The following USP32 variants were observed in gnomAD, a reference collection of about 807,000 sequenced individuals.
USP32 encodes ubiquitin specific peptidase 32.
USP32 carries 59 observed loss-of-function variants against 204.8 expected under a neutral mutation model. The ratio of observed to expected loss-of-function variants is 0.29; its 90% CI spans 0.23 to 0.36. The LOEUF is 0.36. Ranked by LOEUF, USP32 falls within the 10% of genes least tolerant of loss-of-function variation. The probability of loss-of-function intolerance (pLI) is 1.00; values close to 1 mark genes in which losing one functional copy is unlikely to be tolerated. For missense variants in USP32, 1,160 were observed against 1,946.4 expected (o/e 0.60, Z 7.60); for synonymous variants, 517 against 678.4 (o/e 0.76, Z 3.70).
chr17:60,317,759 T>C (rs1256837529), intron 2 of USP32, among the ~76,000 whole-genome samples: 1 of 151,996 alleles, frequency 6.6e-6, no homozygotes. Context: ...GAGGTACCAC[T>C]GCATTCCAGC....
intron 1 of USP32, among the ~76,000 whole-genome samples, chr17:60,384,283 G>C (rs1390907932): frequency 2.0e-5 from 3 of 152,172 alleles, no homozygotes; most frequent in African/African-American, 7.2e-5. Context: ...GGCAACCATA[G>C]CAAATGTTAA....
intron 2 of USP32, among the ~76,000 whole-genome samples, chr17:60,303,560 A>G (rs2087642205): frequency 6.6e-6 from 1 of 152,130 alleles, no homozygotes; most frequent in Non-Finnish European, 1.5e-5. Context: ...CTAGAATGGA[A>G]ATTGAAGTCT....
intron 30 of USP32, among the ~76,000 whole-genome samples, chr17:60,184,943 T>A (rs1273003814): frequency 1.3e-5 from 2 of 152,130 alleles, no homozygotes; most frequent in African/African-American, 4.8e-5. Context: ...AGTCTCCTAA[T>A]CCATGAAGGG....
chr17:60,375,045 A>G (rs576316389), intron 1 of USP32, among the ~76,000 whole-genome samples: 2 of 152,372 alleles, frequency 1.3e-5, no homozygotes, highest in South Asian at 2.1e-4. Context: ...ATCATTAGTG[A>G]AATTTTCTCC....
chr17:60,306,644 A>G (rs192167302), intron 2 of USP32, among the ~76,000 whole-genome samples: 188 of 151,782 alleles, frequency 1.2e-3, no homozygotes, highest in African/African-American at 4.4e-3. Context: ...TCTCGAAAGA[A>G]AAAAAAAATG....
At chr17:60,283,439 T>TA (rs1180194788) in intron 5 of USP32, among the ~76,000 whole-genome samples, 2 of 152,180 alleles carry the variant, frequency 1.3e-5, no homozygotes, top group African/African-American at 2.4e-5. Context: ...AAAATACATT[T>TA]AAAAAATTGT....
At chr17:60,379,673 T>C (rs2089613121) in intron 1 of USP32, among the ~76,000 whole-genome samples, 1 of 152,358 alleles carries the variant, frequency 6.6e-6, no homozygotes, top group African/African-American at 2.4e-5. Flanking sequence ...AATTATAAAC[T>C]TCAGTCACAT....
intron 1 of USP32, among the ~76,000 whole-genome samples, chr17:60,409,076 A>G (rs1244775700): frequency 6.6e-6 from 1 of 152,178 alleles, no homozygotes; most frequent in Non-Finnish European, 1.5e-5. Flanking sequence ...AGCCGGGCAC[A>G]GTGGCTCATG....
intron 1 of USP32, among the ~76,000 whole-genome samples, chr17:60,348,901 T>C (rs751581909): frequency 6.6e-6 from 1 of 152,190 alleles, no homozygotes; most frequent in Non-Finnish European, 1.5e-5. Flanking sequence ...ACTAGTTGAA[T>C]AAGTAGCTAG....
rs530050558 is a variant in USP32 at position 60,271,232 on chromosome 17, A to C, written c.703+118T>G. The C allele has an allele frequency of 4.0e-5, 53 of 1,331,150 alleles. No individual in the cohort carries two copies. In the East Asian group the frequency reaches 1.1e-3, roughly 28 times the overall value. 82.5% of individuals were successfully genotyped at this position (1,331,150 alleles called of 1,614,324 possible). A position where few individuals can be genotyped will look rare whatever the true frequency, so the allele number is the denominator to read the frequency against. On this transcript the variant is annotated intron_variant, in intron 6 of 33. Transcript: ENST00000300896. ...CCCATTTGTTTTTCCCCACTCCATT[A>C]AACCTGCAAACATATGAGAAGATGG...
chr17:60,405,233 C>T (rs889613357), intron 1 of USP32, among the ~76,000 whole-genome samples: 5 of 152,068 alleles, frequency 3.3e-5, no homozygotes, highest in East Asian at 1.9e-4. Context: ...GACAGAGTTT[C>T]GCTCTGTCAC....
intron 29 of USP32, among the ~76,000 whole-genome samples, chr17:60,186,630 TACTC>T (rs2084257888): frequency 6.6e-6 from 1 of 152,174 alleles, no homozygotes; most frequent in African/African-American, 2.4e-5. Flanking sequence ...AGGCCCCTAA[TACTC>T]ACCCAAACCT....
intron 2 of USP32, among the ~76,000 whole-genome samples, chr17:60,343,587 T>C (rs1396553014): frequency 6.6e-6 from 1 of 152,196 alleles, no homozygotes; most frequent in Non-Finnish European, 1.5e-5. Flanking sequence ...GAAATAAAGA[T>C]GTTCTTTGAA....
rs368619589 is a variant in USP32 at position 60,397,796 on chromosome 17, A to G, written c.106+24450T>C. 9.3e-4 allele frequency among the ~76,000 whole-genome samples: 142 copies of G among 152,274 alleles called. 1 individual carries two copies. Among genetic ancestry groups the G allele is most frequent in the African/African-American group, 3.2e-3 (133 of 41,548 alleles). On this transcript the variant is annotated intron_variant, in intron 1 of 3. Transcript: ENST00000588898. ...ACTATTATCCTGATACTCAAAAAAA[A>G]TTCTGAGACAGAGATGGGCCTGCCT... is the stretch of plus-strand genomic sequence containing the variant.
At chr17:60,341,283 C>A (rs2088652224) in intron 2 of USP32, among the ~76,000 whole-genome samples, 1 of 151,988 alleles carries the variant, frequency 6.6e-6, no homozygotes, top group Non-Finnish European at 1.5e-5. Flanking sequence ...GTTCCATTCT[C>A]CCCATCACTT....
At chr17:60,220,413 G>A (rs1332575870) in intron 15 of USP32, among the ~76,000 whole-genome samples, 1 of 151,934 alleles carries the variant, frequency 6.6e-6, no homozygotes, top group African/African-American at 2.4e-5. Flanking sequence ...AATTTACTAC[G>A]TTCTACTTGC....
rs2085764491 is a variant in USP32 at position 60,237,545 on chromosome 17, T to A, written c.1137-1305A>T. ...CTTATTAAGTTTCAAAACATTCTGATACACCTCAATTAAAAAGTCATCCAT... is the reference window on the plus strand; with the variant it reads ...CTTATTAAGTTTCAAAACATTCTGAAACACCTCAATTAAAAAGTCATCCAT... On this transcript the variant is annotated intron_variant, in intron 11 of 33. Transcript: ENST00000300896. 5.9e-5 allele frequency among the ~76,000 whole-genome samples: 9 copies of A among 152,182 alleles called. No homozygotes were observed. In the South Asian group the frequency reaches 1.9e-3, roughly 32 times the overall value.
intron 30 of USP32, among the ~76,000 whole-genome samples, chr17:60,183,860 G>C (rs1163319733): frequency 6.6e-6 from 1 of 152,162 alleles, no homozygotes; most frequent in African/African-American, 2.4e-5. Context: ...TGCAGTTACT[G>C]GTCTACATGA....
chr17:60,360,966 TAAA>T (rs1013411220), intron 1 of USP32, among the ~76,000 whole-genome samples: 5 of 151,752 alleles, frequency 3.3e-5, no homozygotes, highest in Non-Finnish European at 4.4e-5. Context: ...CCATCTCTAC[TAAA>T]AATACAAAAA....
Sources: gnomAD v4.1 joint callset for allele counts (sites outside exome capture counted in the v4.1 genomes callset) on GRCh38, gnomAD v4.1.1 for gene constraint, MANE v1.5 for transcripts, NCBI Gene and HGNC (gene_info 2026-07-23, HGNC 2026-07-21) for gene names.